Variants in NRG3 observed in about 807,000 individuals in gnomAD.
NRG3 encodes the protein neuregulin 3.
In NRG3, 31 loss-of-function variants were observed where a neutral mutation model predicts 66.9. That is an observed-to-expected ratio of 0.46 (90% CI 0.35 to 0.63). NRG3 has a LOEUF of 0.63. Ranked by LOEUF, NRG3 falls within the 20% of genes least tolerant of loss-of-function variation. The pLI, the probability that NRG3 is intolerant of heterozygous loss-of-function variation, is 0.00. For synonymous variants in NRG3, 393 were observed against 359.4 expected, an observed-to-expected ratio of 1.09 and a Z score of -1.06; for missense variants, 910 against 878.9, an observed-to-expected ratio of 1.04 and a Z score of -0.45.
intron 1 of NRG3, among the ~76,000 whole-genome samples, chr10:82,068,830 G>A (rs1231497638): frequency 6.6e-6 from 1 of 152,124 alleles, no homozygotes; most frequent in African/African-American, 2.4e-5. Context: ...AGACTATAAA[G>A]TATGGAATGA....
chr10:81,880,333 C>T lies in NRG3; in HGVS notation c.823+4170C>T, dbSNP rs184432189. Among the ~76,000 whole-genome samples the T allele has an allele frequency of 2.2e-3, 328 of 151,984 alleles. 1 individual carries two copies. The highest frequency in any genetic ancestry group is 2.6e-3 in the Non-Finnish European group (180 of 67,982). ...TAGGAGGTGTTGTTAATTGAGAGTC[C>T]CTTCTGCAGGATTAATTTGTGAATC... On this transcript the variant is annotated intron_variant, in intron 1 of 8. Coordinates refer to ENST00000372141, the MANE Select transcript of NRG3 (RefSeq NM_001010848.4).
At chr10:82,937,297 C>A (rs1848171680) in intron 4 of NRG3, among the ~76,000 whole-genome samples, 1 of 152,172 alleles carries the variant, frequency 6.6e-6, no homozygotes, top group Admixed American at 6.5e-5. Flanking sequence ...CAAAGCATCT[C>A]ATTTAATCTT....
chr10:82,078,250 T>C (rs1387100373), intron 1 of NRG3, among the ~76,000 whole-genome samples: 2 of 152,208 alleles, frequency 1.3e-5, no homozygotes, highest in Non-Finnish European at 2.9e-5. Flanking sequence ...TTTTCCAGTT[T>C]TCCTCAGAGT....
intron 3 of NRG3, among the ~76,000 whole-genome samples, chr10:82,816,851 C>T (rs2061729826): frequency 6.6e-6 from 1 of 152,344 alleles, no homozygotes; most frequent in Admixed American, 6.5e-5. Flanking sequence ...TCCCCGCACC[C>T]AGCTCTGGAC....
At chr10:82,533,539 A>G (rs1285251981) in intron 2 of NRG3, among the ~76,000 whole-genome samples, 1 of 152,030 alleles carries the variant, frequency 6.6e-6, no homozygotes, top group Non-Finnish European at 1.5e-5. Context: ...ACTATTTGTT[A>G]AAAAGAATGT....
chr10:82,761,764 T>A (rs1361880960), intron 3 of NRG3, among the ~76,000 whole-genome samples: 1 of 151,760 alleles, frequency 6.6e-6, no homozygotes, highest in African/African-American at 2.4e-5. Context: ...AGGAAAAACA[T>A]AAATGGAATG....
At chr10:82,343,782 C>T (rs2082812406) in intron 1 of NRG3, among the ~76,000 whole-genome samples, 1 of 151,686 alleles carries the variant, frequency 6.6e-6, no homozygotes, top group South Asian at 2.1e-4. Context: ...TGAAAATTGT[C>T]CCCCCAATGC....
At chr10:82,319,335 C>T (rs1168260744) in intron 1 of NRG3, among the ~76,000 whole-genome samples, 1 of 152,174 alleles carries the variant, frequency 6.6e-6, no homozygotes, top group Non-Finnish European at 1.5e-5. Flanking sequence ...GGCAAGCTTA[C>T]ATTTTGTCTT....
At chr10:82,930,105 G>T (rs191574874) in intron 4 of NRG3, among the ~76,000 whole-genome samples, 2 of 152,182 alleles carry the variant, frequency 1.3e-5, no homozygotes, top group South Asian at 2.1e-4. Flanking sequence ...GTCACTTTGT[G>T]AACTTTTTCT....
intron 3 of NRG3, among the ~76,000 whole-genome samples, chr10:82,809,669 T>G (rs2061417038): frequency 6.6e-6 from 1 of 152,160 alleles, no homozygotes; most frequent in South Asian, 2.1e-4. Context: ...AGAATTTACT[T>G]TCAGGGTTCA....
chr10:82,183,474 G>A (rs1037400586), intron 1 of NRG3, among the ~76,000 whole-genome samples: 2 of 151,934 alleles, frequency 1.3e-5, no homozygotes. Flanking sequence ...GCATTCTTCA[G>A]GTGCAAACTT....
chr10:82,634,948 T>C (rs571313021), intron 2 of NRG3, among the ~76,000 whole-genome samples: 122 of 152,312 alleles, frequency 8.0e-4, no homozygotes, highest in African/African-American at 2.6e-3. Context: ...ACCAGGTTCA[T>C]TGGGCCTTGA....
chr10:82,792,009 AG>A (rs1388173219), intron 3 of NRG3, among the ~76,000 whole-genome samples: 1 of 152,160 alleles, frequency 6.6e-6, no homozygotes, highest in African/African-American at 2.4e-5. Context: ...AGCTGGGGAA[AG>A]GGGGATGGAA....
chr10:82,757,124 G>T (rs980659337), intron 3 of NRG3, among the ~76,000 whole-genome samples: 2 of 152,020 alleles, frequency 1.3e-5, no homozygotes, highest in Non-Finnish European at 2.9e-5. Flanking sequence ...ATTTGCTCTG[G>T]AGTATGAAAA....
chr10:82,866,617 G>T (rs948938574), intron 4 of NRG3, among the ~76,000 whole-genome samples: 4 of 152,162 alleles, frequency 2.6e-5, no homozygotes, highest in Non-Finnish European at 4.4e-5. Flanking sequence ...GAAAACCAAT[G>T]AGATTTAGGA....
intron 5 of NRG3, among the ~76,000 whole-genome samples, chr10:82,952,402 C>T (rs1849607843): frequency 6.9e-6 from 1 of 145,762 alleles, no homozygotes; most frequent in South Asian, 2.2e-4. Flanking sequence ...TGCTACACTG[C>T]AGCCTCGGGG....
rs373899979 is a variant in NRG3, at chr10:82,602,197, G to A, written c.954-136380G>A. Among the ~76,000 whole-genome samples, 9 of 151,930 alleles carry A rather than the reference G, an allele frequency of 5.9e-5. No homozygotes were observed. In the East Asian group the frequency reaches 1.2e-3, roughly 20 times the overall value. ...ATGTCTAGTCCACAGTCGACTATCC[G>A]TTTTTTGAAATTTTCCCATTAATAT... is the stretch of plus-strand genomic sequence containing the variant. On this transcript the variant is annotated intron_variant, in intron 2 of 8. Coordinates refer to ENST00000372141, the MANE Select transcript of NRG3 (RefSeq NM_001010848.4).
At chr10:82,669,483 T>C (rs2134023234) in intron 2 of NRG3, among the ~76,000 whole-genome samples, 1 of 152,240 alleles carries the variant, frequency 6.6e-6, no homozygotes, top group South Asian at 2.1e-4. Flanking sequence ...TATGGTTTCT[T>C]TACTTCAAAA....
intron 2 of NRG3, among the ~76,000 whole-genome samples, chr10:82,441,728 G>T (rs1004627252): frequency 1.3e-5 from 2 of 152,118 alleles, no homozygotes; most frequent in Non-Finnish European, 2.9e-5. Flanking sequence ...TGAAAATAAG[G>T]AAAAGAATTA....
Sources: allele counts gnomAD v4.1 joint callset (sites outside exome capture counted in the v4.1 genomes callset), GRCh38; gene constraint gnomAD v4.1.1; transcripts MANE v1.5; gene names NCBI Gene and HGNC (gene_info 2026-07-23, HGNC 2026-07-21).